The following RACGAP1 variants were observed in gnomAD, a reference collection of about 807,000 sequenced individuals.
The protein encoded by RACGAP1 is Rac GTPase activating protein 1.
A neutral mutation model predicts 78.1 loss-of-function variants in RACGAP1; 30 were observed. The ratio of observed to expected loss-of-function variants is 0.38; its 90% CI spans 0.29 to 0.52. The LOEUF (loss-of-function observed/expected upper bound fraction) is 0.52, where lower values mean the gene tolerates loss of function less well. RACGAP1 is among the 20% of genes least tolerant of loss of function. The pLI, the probability that RACGAP1 is intolerant of heterozygous loss-of-function variation, is 0.82. For missense variants in RACGAP1, 587 were observed against 777.1 expected, an observed-to-expected ratio of 0.76 and a Z score of 2.91; for synonymous variants, 231 against 264.8, an observed-to-expected ratio of 0.87 and a Z score of 1.24.
At chr12:50,027,623 C>T (rs1391574549), upstream of RACGAP1, among the ~76,000 whole-genome samples, 1 of 152,060 alleles carries the variant, frequency 6.6e-6, no homozygotes, top group Non-Finnish European at 1.5e-5. Context: ...GTCAGGAGTT[C>T]GAGACCAGCC....
chr12:50,022,287 T>C (rs1950050140), intron 1 of RACGAP1, among the ~76,000 whole-genome samples: 1 of 152,152 alleles, frequency 6.6e-6, no homozygotes, highest in African/African-American at 2.4e-5. Flanking sequence ...GTTCAAAAAG[T>C]TAACAGTAAA....
intron 2 of RACGAP1, among the ~76,000 whole-genome samples, chr12:50,011,833 A>T (rs986781007): frequency 6.6e-6 from 1 of 151,644 alleles, no homozygotes; most frequent in Admixed American, 6.6e-5. Flanking sequence ...GGGCGCCTAT[A>T]GTCCCAGCTA....
intron 2 of RACGAP1, among the ~76,000 whole-genome samples, chr12:50,013,654 C>T (rs185290417): frequency 6.6e-6 from 1 of 152,270 alleles, no homozygotes; most frequent in Admixed American, 6.5e-5. Context: ...TATGTCACAC[C>T]CCCTTACTCC....
intron 2 of RACGAP1, among the ~76,000 whole-genome samples, chr12:50,015,194 A>G (rs1204433264): frequency 1.3e-5 from 2 of 152,042 alleles, no homozygotes; most frequent in Non-Finnish European, 2.9e-5. Context: ...ATATTTTCAG[A>G]GACAGTCTTG....
At chr12:50,001,051 AAAAC>A (rs1279904916) in intron 7 of RACGAP1, 117 bp downstream of exon 7, 1 of 849,198 alleles carries the variant, frequency 1.2e-6, no homozygotes, top group Non-Finnish European at 1.8e-6. Context: ...TCTGTCTCAA[AAAAC>A]AAACAAAAAC....
At chr12:50,022,199 A>G (rs1950045632) in intron 1 of RACGAP1, among the ~76,000 whole-genome samples, 1 of 152,242 alleles carries the variant, frequency 6.6e-6, no homozygotes, top group South Asian at 2.1e-4. Flanking sequence ...TAACCATTTC[A>G]GTCCAAAATG....
chr12:50,025,574 G>C (rs1950246165), upstream of RACGAP1: 2 of 981,298 alleles, frequency 2.0e-6, no homozygotes, highest in Admixed American at 6.1e-5. Flanking sequence ...GGGCCACGCG[G>C]AGGTGACGGG....
upstream of RACGAP1, among the ~76,000 whole-genome samples, chr12:50,028,950 G>C (rs1440454255): frequency 6.6e-6 from 1 of 152,020 alleles, no homozygotes; most frequent in Non-Finnish European, 1.5e-5. Flanking sequence ...GGGCACAGTG[G>C]CTCATGCCTG....
exon 2 of RACGAP1, chr12:50,031,821 A>G (rs1418805215): frequency 2.2e-6 from 2 of 910,960 alleles, no homozygotes; most frequent in African/African-American, 3.6e-5. Flanking sequence ...TCTTCCAGTC[A>G]CTGTTACACG....
In RACGAP1 at chr12:50,019,276, T is replaced by C. The variant is rs118008826; in HGVS notation, c.-4-2557A>G. ...CTGCTTCAGGCAGTTGCCACTCAGA[T>C]ACAAACTCTTTGCACTTGAATTAAA... On this transcript the variant is annotated intron_variant, in intron 1 of 16. Transcript: ENST00000312377. Among the ~76,000 whole-genome samples, 181 of 152,302 alleles carry C rather than the reference T, an allele frequency of 1.2e-3. 1 individual carries two copies. The East Asian group carries it at 0.03, about 25-fold the overall frequency.
chr12:50,001,106 C>T (rs990147825), intron 7 of RACGAP1, 66 bp downstream of exon 7: 10 of 1,258,366 alleles, frequency 7.9e-6, no homozygotes, highest in Non-Finnish European at 9.1e-6. Flanking sequence ...TGCTGCAATG[C>T]TGACTCAGAG....
chr12:50,008,169 G>GAA (rs71441313), intron 2 of RACGAP1, among the ~76,000 whole-genome samples: 1,004 of 60,538 alleles, frequency 0.017, 33 homozygotes, highest in African/African-American at 0.034. Context: ...TGAGAAATGT[G>GAA]AAAAAAAAAA....
chr12:49,994,092 G>A (rs781323806), intron 12 of RACGAP1, 39 bp downstream of exon 12: 30 of 1,522,592 alleles, frequency 2.0e-5, no homozygotes, highest in South Asian at 1.3e-4. Context: ...AACTACTGCC[G>A]TGGAGGAATT....
At chr12:50,020,883 T>C (rs576966868) in intron 1 of RACGAP1, among the ~76,000 whole-genome samples, 17 of 152,320 alleles carry the variant, frequency 1.1e-4, no homozygotes, top group Admixed American at 7.2e-4. Flanking sequence ...AATCCAAAAA[T>C]GGCACTAGCA....
intron 13 of RACGAP1, 44 bp downstream of exon 13, chr12:49,992,505 GA>G (rs3215252): frequency 2.5e-6 from 4 of 1,592,768 alleles, no homozygotes; most frequent in Admixed American, 1.7e-5. Flanking sequence ...CTTCCCCTTG[GA>G]AAAAAATTCC....
upstream of RACGAP1, chr12:50,025,527 T>C: frequency 1.0e-6 from 1 of 985,396 alleles, no homozygotes; most frequent in Non-Finnish European, 1.2e-6. Flanking sequence ...AATTTATTCC[T>C]CCCGCGCCGT....
upstream of RACGAP1, chr12:50,025,569 ACG>A: frequency 1.0e-6 from 1 of 982,780 alleles, no homozygotes; most frequent in African/African-American, 1.7e-5. Context: ...CGTCAGGGCC[ACG>A]CGGAGGTGAC....
chr12:50,025,997 C>T (rs187104387), upstream of RACGAP1, among the ~76,000 whole-genome samples: 1 of 152,310 alleles, frequency 6.6e-6, no homozygotes, highest in Admixed American at 6.5e-5. Flanking sequence ...ATGGTATGGT[C>T]TCTACTGTCC....
intron 7 of RACGAP1, 94 bp from the exon 8 acceptor site, chr12:49,999,827 C>G (rs1435788307): frequency 3.0e-6 from 3 of 1,000,384 alleles, no homozygotes; most frequent in Admixed American, 1.8e-5. Context: ...ATTCCTTAGT[C>G]TTAGTCAAGA....
Sources: allele counts gnomAD v4.1 joint callset (sites outside exome capture counted in the v4.1 genomes callset), GRCh38; gene constraint gnomAD v4.1.1; transcripts MANE v1.5; gene names NCBI Gene and HGNC (gene_info 2026-07-23, HGNC 2026-07-21).